The following KCNMA1 variants were observed in gnomAD, a reference collection of about 807,000 sequenced individuals.
KCNMA1 encodes the protein Calcium-activated potassium channel subunit alpha-1.
Under a neutral mutation model 140.0 loss-of-function variants are expected in KCNMA1, and 29 were observed. The observed-to-expected ratio is 0.21, with a 90% CI of 0.15 to 0.28. KCNMA1 has a LOEUF of 0.28. Among genes scored for constraint, KCNMA1 ranks in the 10% least tolerant of loss-of-function variants. KCNMA1 has a pLI of 1.00. For synonymous variants in KCNMA1, 612 were observed against 611.9 expected (o/e 1.00, Z 0.00); for missense variants, 880 against 1,602.2 (o/e 0.55, Z 7.70).
chr10:77,566,566 C>T (rs562303661), intron 1 of KCNMA1, among the ~76,000 whole-genome samples: 1 of 152,248 alleles, frequency 6.6e-6, no homozygotes, highest in African/African-American at 2.4e-5. Flanking sequence ...AGGAACCTGC[C>T]ATTTCCCCCG....
intron 9 of KCNMA1, among the ~76,000 whole-genome samples, chr10:77,096,962 C>G (rs2096947490): frequency 6.6e-6 from 1 of 152,154 alleles, no homozygotes; most frequent in African/African-American, 2.4e-5. Flanking sequence ...ACCAGCAGCA[C>G]TGTATCATAC....
chr10:77,515,602 C>G (rs2050113523), intron 1 of KCNMA1, among the ~76,000 whole-genome samples: 1 of 152,228 alleles, frequency 6.6e-6, no homozygotes, highest in Non-Finnish European at 1.5e-5. Context: ...GGAAGTGTGG[C>G]TCCCATCACT....
intron 14 of KCNMA1, among the ~76,000 whole-genome samples, chr10:77,070,636 T>A (rs866722070): frequency 4.6e-5 from 7 of 152,166 alleles, no homozygotes; most frequent in Non-Finnish European, 1.0e-4. Context: ...AGGAAGCAAT[T>A]TCTGTAAACA....
intron 3 of KCNMA1, among the ~76,000 whole-genome samples, chr10:77,239,359 A>C (rs922117852): frequency 1.3e-5 from 2 of 152,098 alleles, no homozygotes; most frequent in African/African-American, 2.4e-5. Context: ...CCATGGGTTC[A>C]TTTTCTGCAT....
chr10:76,935,724 C>T (rs1267133043), intron 23 of KCNMA1, among the ~76,000 whole-genome samples: 1 of 152,266 alleles, frequency 6.6e-6, no homozygotes, highest in Non-Finnish European at 1.5e-5. Context: ...CAGTCCAACC[C>T]CAAGACCACC....
At chr10:76,922,093 G>A (rs1590764435) in intron 23 of KCNMA1, among the ~76,000 whole-genome samples, 1 of 152,302 alleles carries the variant, frequency 6.6e-6, no homozygotes, top group East Asian at 1.9e-4. Context: ...CCCGCACAAA[G>A]CCTAATGACA....
chr10:77,006,852 G>A (rs1029919310), intron 18 of KCNMA1, among the ~76,000 whole-genome samples: 11 of 152,170 alleles, frequency 7.2e-5, no homozygotes, highest in Admixed American at 6.5e-5. Context: ...GGGTTCTGTC[G>A]ATGAAGAAAG....
At chr10:77,041,822 C>T (rs902942505) in intron 14 of KCNMA1, among the ~76,000 whole-genome samples, 1 of 152,124 alleles carries the variant, frequency 6.6e-6, no homozygotes, top group Non-Finnish European at 1.5e-5. Flanking sequence ...ACGGCTTGTG[C>T]TTATCTTGTA....
At chr10:77,166,134 ACT>A (rs2098639501) in intron 5 of KCNMA1, among the ~76,000 whole-genome samples, 2 of 152,172 alleles carry the variant, frequency 1.3e-5, no homozygotes, top group African/African-American at 4.8e-5. Context: ...AACCAGAAGT[ACT>A]TGTACTAATG....
chr10:77,130,153 G>C (rs2097828188), intron 5 of KCNMA1, among the ~76,000 whole-genome samples: 2 of 152,076 alleles, frequency 1.3e-5, no homozygotes, highest in African/African-American at 2.4e-5. Flanking sequence ...AACTTACAAT[G>C]GTTCAACTTA....
intron 21 of KCNMA1, among the ~76,000 whole-genome samples, chr10:76,951,771 G>C (rs2066340075): frequency 6.6e-6 from 1 of 152,090 alleles, no homozygotes; most frequent in African/African-American, 2.4e-5. Context: ...TTTTTTCAAA[G>C]CATCCTATAA....
At chr10:77,314,966 ACG>A (rs2080422238) in intron 2 of KCNMA1, among the ~76,000 whole-genome samples, 1 of 138,504 alleles carries the variant, frequency 7.2e-6, no homozygotes, top group Non-Finnish European at 1.6e-5. Context: ...ACACACACAC[ACG>A]AAGCAATGTT....
At chr10:77,081,994 CTTTTTTTCTTTTCTTTTTTTTTTTTTTT>C (rs2096581270) in intron 12 of KCNMA1, among the ~76,000 whole-genome samples, 1 of 68,528 alleles carries the variant, frequency 1.5e-5, no homozygotes, top group Admixed American at 1.6e-4. Context: ...CCAGTAATTT[CTTTTTTTCTTTTCTTTTTTTTTTTTTTT>C]TTTTTTTTTT....
chr10:77,141,967 C>T (rs1265293633), intron 5 of KCNMA1, among the ~76,000 whole-genome samples: 1 of 152,154 alleles, frequency 6.6e-6, no homozygotes, highest in African/African-American at 2.4e-5. Context: ...TGCTGATTAA[C>T]AGGAACAATG....
At chr10:77,367,111 G>A (rs35781) in intron 2 of KCNMA1, among the ~76,000 whole-genome samples, 122,582 of 152,178 alleles carry the variant, frequency 0.81, 49,526 homozygotes, top group Middle Eastern at 0.88. Flanking sequence ...GCACGGGTGT[G>A]TCAGGGACTG....
At chr10:77,517,264 A>G (rs1236014265) in intron 1 of KCNMA1, among the ~76,000 whole-genome samples, 3 of 152,126 alleles carry the variant, frequency 2.0e-5, no homozygotes, top group Admixed American at 6.5e-5. Flanking sequence ...CCAGGCCTCC[A>G]CCATAAATGG....
chr10:77,147,412 A>T (rs2098325630), intron 5 of KCNMA1, among the ~76,000 whole-genome samples: 1 of 150,864 alleles, frequency 6.6e-6, no homozygotes, highest in Non-Finnish European at 1.5e-5. Flanking sequence ...TTTGTCTCCC[A>T]CCCCACCAGC....
At chr10:77,457,851 T>A (rs768786713) in intron 1 of KCNMA1, among the ~76,000 whole-genome samples, 1 of 152,138 alleles carries the variant, frequency 6.6e-6, no homozygotes, top group Non-Finnish European at 1.5e-5. Context: ...AGTGCCTCCA[T>A]CCTGTCTGGT....
intron 1 of KCNMA1, among the ~76,000 whole-genome samples, chr10:77,506,393 T>C (rs1251055396): frequency 6.6e-6 from 1 of 152,160 alleles, no homozygotes; most frequent in East Asian, 1.9e-4. Context: ...AGAGGGAATC[T>C]TCAAGGAGCC....
Sources: allele counts gnomAD v4.1 joint callset (sites outside exome capture counted in the v4.1 genomes callset), GRCh38; gene constraint gnomAD v4.1.1; transcripts MANE v1.5; gene names NCBI Gene and HGNC (gene_info 2026-07-23, HGNC 2026-07-21).